Variants in TMEM100 observed in about 807,000 individuals in gnomAD.
TMEM100 encodes the protein transmembrane protein 100.
For synonymous variants in TMEM100, 61 were observed against 67.1 expected, an observed-to-expected ratio of 0.91 and a Z score of 0.44; for missense variants, 137 against 168.2, an observed-to-expected ratio of 0.81 and a Z score of 1.02.
intron 1 of TMEM100, chr17:55,721,412 T>A (rs1352373235): frequency 4.6e-6 from 1 of 217,256 alleles, no homozygotes; most frequent in African/African-American, 2.3e-5. Context: ...TTCTGCTTTG[T>A]CTATTGCTTC....
intron 1 of TMEM100, among the ~76,000 whole-genome samples, chr17:55,730,716 G>C (rs1296861174): frequency 2.6e-5 from 4 of 152,172 alleles, no homozygotes; most frequent in African/African-American, 9.7e-5. Flanking sequence ...TGATATTCAC[G>C]ATGTGTGTGG....
upstream of TMEM100, chr17:55,722,970 G>A (rs958498): frequency 0.03 from 4,555 of 151,148 alleles, 111 homozygotes; most frequent in Non-Finnish European, 0.041. Context: ...CAGATTCTGA[G>A]TTTTGGCTTC....
At position 55,720,544 on chromosome 17, in the gene TMEM100, C is replaced by A; in HGVS notation, c.*122G>T. 1 of 1,150,936 alleles carries A rather than the reference C, an allele frequency of 8.7e-7. No homozygotes were observed. Among genetic ancestry groups the A allele is most frequent in the Non-Finnish European group, 1.2e-6 (1 of 820,538 alleles). The allele number at this position is 1,150,936 out of a possible 1,614,324, so 71.3% of individuals were successfully genotyped here. ...GGAGAAGCCCCTCCACCCTCCCACC[C>A]CCATTCTTCCAGTCTGCTCCAACGC... is the stretch of plus-strand genomic sequence containing the variant. On this transcript the variant is annotated 3_prime_UTR_variant, in exon 2 of 2. Transcript: ENST00000424486.
intron 1 of TMEM100, chr17:55,721,619 A>G (rs1285056482): frequency 1.3e-5 from 2 of 153,464 alleles, no homozygotes; most frequent in Non-Finnish European, 2.9e-5. Flanking sequence ...ATCAATGTCA[A>G]GGCAAGTGGC....
chr17:55,725,123 T>G (rs1445612369), upstream of TMEM100, among the ~76,000 whole-genome samples: 1 of 152,230 alleles, frequency 6.6e-6, no homozygotes, highest in East Asian at 1.9e-4. Context: ...CTTTACCTCT[T>G]CAAATTGAAA....
At chr17:55,723,564 T>C (rs1908977479), upstream of TMEM100, among the ~76,000 whole-genome samples, 1 of 152,134 alleles carries the variant, frequency 6.6e-6, no homozygotes, top group African/African-American at 2.4e-5. Flanking sequence ...TATTAAGAAA[T>C]GTCACATATT....
intron 1 of TMEM100, among the ~76,000 whole-genome samples, chr17:55,722,323 A>G (rs895594150): frequency 2.6e-5 from 4 of 152,236 alleles, no homozygotes; most frequent in African/African-American, 9.6e-5. Context: ...CTTTAAATAT[A>G]TTAAGCATCC....
In TMEM100 at chr17:55,719,715, C is replaced by G. The variant is rs754070102; in HGVS notation, c.*951G>C. On this transcript the variant is annotated 3_prime_UTR_variant, in exon 2 of 2. Coordinates refer to ENST00000424486, the MANE Select transcript of TMEM100 (RefSeq NM_018286.3). ...TTCCTAATTATAATAGCACAGAAATCCTTTAGAATTTAGTAAACGTAATTA... is the reference window on the plus strand; with the variant it reads ...TTCCTAATTATAATAGCACAGAAATGCTTTAGAATTTAGTAAACGTAATTA... 1 of 152,190 alleles carries G rather than the reference C, an allele frequency of 6.6e-6. No homozygotes were observed. Among genetic ancestry groups the G allele is most frequent in the East Asian group, 1.9e-4 (1 of 5,202 alleles). The allele number at this position is 152,190 out of a possible 1,614,324, so 9.4% of individuals were successfully genotyped here. A position where few individuals can be genotyped will look rare whatever the true frequency, so the allele number is the denominator to read the frequency against.
upstream of TMEM100, among the ~76,000 whole-genome samples, chr17:55,726,986 G>A (rs1448171816): frequency 6.6e-6 from 1 of 152,032 alleles, no homozygotes; most frequent in East Asian, 1.9e-4. Flanking sequence ...CTAGGTATGG[G>A]AATCTCATAA....
chr17:55,725,754 C>CAGAGAG (rs1909053552), upstream of TMEM100, among the ~76,000 whole-genome samples: 1 of 108,162 alleles, frequency 9.2e-6, no homozygotes, highest in African/African-American at 2.8e-5. Context: ...TGTGTGTATA[C>CAGAGAG]AGACAGAGAC....
upstream of TMEM100, among the ~76,000 whole-genome samples, chr17:55,724,530 A>T (rs945058702): frequency 3.1e-4 from 47 of 152,262 alleles, no homozygotes; most frequent in African/African-American, 1.1e-3. Flanking sequence ...TTGCCCCCGG[A>T]AGATGGTAAG....
intron 1 of TMEM100, 56 bp from the exon 2 acceptor site, chr17:55,721,191 C>A: frequency 1.6e-6 from 2 of 1,236,352 alleles, no homozygotes; most frequent in Non-Finnish European, 1.1e-6. Flanking sequence ...ACCCTGTAAG[C>A]AGAAATGAAA....
At chr17:55,728,468 T>A (rs1909125736) in intron 1 of TMEM100, among the ~76,000 whole-genome samples, 1 of 152,114 alleles carries the variant, frequency 6.6e-6, no homozygotes, top group Admixed American at 6.5e-5. Context: ...TTTGGGTAGG[T>A]TTGAGGCCGG....
At chr17:55,722,931 T>A (rs1423981219), upstream of TMEM100, 1 of 152,238 alleles carries the variant, frequency 6.6e-6, no homozygotes, top group Non-Finnish European at 1.5e-5. Context: ...CTAACATTTT[T>A]TTTTTTCCTT....
Position 55,729,960 on chromosome 17 carries a change from T to A in TMEM100, c.-359+1711A>T, listed in dbSNP as rs184732916. On this transcript the variant is annotated intron_variant, in intron 1 of 3. Transcript: ENST00000575734. Reference sequence around the variant, plus strand: ...TCATGAGGAAGGAATATATAGAAGGTTCTTGTCTTGCCACTTCACATATGG... The same window carrying A: ...TCATGAGGAAGGAATATATAGAAGGATCTTGTCTTGCCACTTCACATATGG... 1.2e-3 allele frequency among the ~76,000 whole-genome samples: 180 copies of A among 152,188 alleles called. 1 individual carries two copies. The highest frequency in any genetic ancestry group is 2.9e-3 in the South Asian group (14 of 4,804).
upstream of TMEM100, among the ~76,000 whole-genome samples, chr17:55,727,456 G>A (rs977646468): frequency 6.6e-6 from 1 of 151,870 alleles, no homozygotes; most frequent in Non-Finnish European, 1.5e-5. Context: ...TTTTTTTCAG[G>A]GAGGAGAAGG....
chr17:55,721,237 T>C (rs1908877230), intron 1 of TMEM100, 102 bp from the exon 2 acceptor site: 1 of 762,692 alleles, frequency 1.3e-6, no homozygotes, highest in Non-Finnish European at 2.0e-6. Context: ...GAGGCACAGA[T>C]CCATGTGAAA....
chr17:55,721,333 G>C (rs757362112), intron 1 of TMEM100, 198 bp from the exon 2 acceptor site: 1 of 408,184 alleles, frequency 2.4e-6, no homozygotes, highest in Non-Finnish European at 4.3e-6. Flanking sequence ...ATGAAGGGAA[G>C]ACAGAAAAAG....
upstream of TMEM100, among the ~76,000 whole-genome samples, chr17:55,723,771 C>A (rs551348208): frequency 6.6e-6 from 1 of 152,156 alleles, no homozygotes; most frequent in East Asian, 1.9e-4. Context: ...TATGTTGAGA[C>A]CTCTGTTCCT....
Sources: allele counts gnomAD v4.1 joint callset (sites outside exome capture counted in the v4.1 genomes callset), GRCh38; gene constraint gnomAD v4.1.1; transcripts MANE v1.5; gene names NCBI Gene and HGNC (gene_info 2026-07-23, HGNC 2026-07-21).